The following IARS1 variants were observed in gnomAD, a reference collection of about 807,000 sequenced individuals.
IARS1 encodes the protein isoleucyl-tRNA synthetase 1.
In IARS1, 124 loss-of-function variants were observed where a neutral mutation model predicts 168.2. The observed-to-expected ratio is 0.74, with a 90% confidence interval of 0.64 to 0.86. IARS1 has a LOEUF of 0.86. Among genes scored for constraint, IARS1 ranks in the 40% least tolerant of loss-of-function variants. The pLI is 0.00. For missense variants in IARS1, 1,452 were observed against 1,515.8 expected (o/e 0.96, Z 0.70); for synonymous variants, 532 against 529.4 (o/e 1.00, Z -0.07).
In IARS1 at chr9:92,250,997, T is replaced by A. The variant is rs531834056; in HGVS notation, c.2308-163A>T. Reference sequence around the variant, plus strand: ...GCCCTGTGAATGAGAAATGGCCTCATATCCCTGAAGCATAGCTGCAGGACT... The same window carrying A: ...GCCCTGTGAATGAGAAATGGCCTCAAATCCCTGAAGCATAGCTGCAGGACT... On this transcript the variant is annotated intron_variant, in intron 22 of 33. Transcript: ENST00000443024. 3 of 707,998 alleles carry A rather than the reference T, an allele frequency of 4.2e-6. No homozygotes were observed. The East Asian group carries it at 8.6e-5, about 20-fold the overall frequency. 43.9% of individuals were successfully genotyped at this position (707,998 alleles called of 1,614,324 possible).
intron 9 of IARS1, among the ~76,000 whole-genome samples, chr9:92,276,049 G>A (rs1415892736): frequency 6.6e-6 from 1 of 152,186 alleles, no homozygotes; most frequent in African/African-American, 2.4e-5. Flanking sequence ...TCAGAAAGGT[G>A]AGAGTCACTG....
In IARS1 at chr9:92,210,835, G is replaced by A; in HGVS notation, c.3761C>T (p.Ser1254Phe). 1 of 1,611,434 alleles carries A rather than the reference G, an allele frequency of 6.2e-7. No homozygotes were observed. The highest frequency in any genetic ancestry group is 8.5e-7 in the Non-Finnish European group (1 of 1,177,560). The change falls in exon 34 of 34, where the codon TCT becomes TTT. Residue 1254 changes from serine to phenylalanine, a missense_variant. Physicochemically the swap from Ser to Phe is radical, Grantham distance 155. Transcript: ENST00000443024. Reference protein sequence around the residue: ...KTLNMKTVYVSVLPTTADF With the variant: ...KTLNMKTVYVFVLPTTADF ...GAAGTCTGCTGTTGTTGGTAACACAGAAACATACACAGTCTTCATATTCAA... is the reference window on the plus strand; with the variant it reads ...GAAGTCTGCTGTTGTTGGTAACACAAAAACATACACAGTCTTCATATTCAA...
chr9:92,274,645 A>C, intron 9 of IARS1, 124 bp from the exon 10 acceptor site: 1 of 624,384 alleles, frequency 1.6e-6, no homozygotes, highest in Admixed American at 2.5e-5. Context: ...TCAGAAATAG[A>C]AAAGAAAGAA....
chr9:92,259,124 T>C, intron 18 of IARS1, 126 bp from the exon 19 acceptor site: 1 of 810,776 alleles, frequency 1.2e-6, no homozygotes, highest in East Asian at 2.7e-5. Flanking sequence ...TAATTATGAA[T>C]ACTCTTTGAG....
chr9:92,216,127 TAAAG>T (rs1183419529), intron 33 of IARS1, among the ~76,000 whole-genome samples: 3 of 150,976 alleles, frequency 2.0e-5, no homozygotes, highest in African/African-American at 7.3e-5. Context: ...TCAACATTCT[TAAAG>T]AAAAGAATTT....
chr9:92,224,815 C>A (rs763396822), intron 31 of IARS1, among the ~76,000 whole-genome samples: 6 of 150,448 alleles, frequency 4.0e-5, no homozygotes, highest in African/African-American at 1.5e-4. Flanking sequence ...CCTGAGTGAT[C>A]GAGTGAGACC....
At chr9:92,288,000 A>C in intron 3 of IARS1, 90 bp from the exon 4 acceptor site, 1 of 1,554,026 alleles carries the variant, frequency 6.4e-7, no homozygotes, top group South Asian at 1.2e-5. Flanking sequence ...ATCAAACTAC[A>C]AATATTATAG....
At chr9:92,230,641 G>GC (rs1307033819) in intron 30 of IARS1, among the ~76,000 whole-genome samples, 1 of 152,182 alleles carries the variant, frequency 6.6e-6, no homozygotes, top group Non-Finnish European at 1.5e-5. Context: ...ACCTAGGAGT[G>GC]CAACTGCGAG....
chr9:92,272,606 T>C (rs1465768773), intron 10 of IARS1, among the ~76,000 whole-genome samples: 2 of 152,110 alleles, frequency 1.3e-5, no homozygotes, highest in African/African-American at 4.8e-5. Context: ...CCCCAGCACT[T>C]TGGGAGGCCA....
chr9:92,217,761 C>T (rs796148316), intron 33 of IARS1, among the ~76,000 whole-genome samples: 1 of 152,152 alleles, frequency 6.6e-6, no homozygotes, highest in African/African-American at 2.4e-5. Flanking sequence ...ATAACAGACT[C>T]TGAAATTGTG....
At chr9:92,237,756 G>A (rs548690989) in intron 30 of IARS1, among the ~76,000 whole-genome samples, 2 of 152,204 alleles carry the variant, frequency 1.3e-5, no homozygotes, top group African/African-American at 4.8e-5. Context: ...ATACAAACAT[G>A]ACCATTCCTG....
chr9:92,244,912 T>G, intron 27 of IARS1, 47 bp downstream of exon 27: 1 of 1,445,056 alleles, frequency 6.9e-7, no homozygotes, highest in Non-Finnish European at 9.7e-7. Flanking sequence ...TCTCCTCTTA[T>G]GCTCTCATCT....
chr9:92,234,276 T>G (rs1007598152), intron 30 of IARS1, among the ~76,000 whole-genome samples: 3 of 152,204 alleles, frequency 2.0e-5, no homozygotes, highest in Non-Finnish European at 4.4e-5. Flanking sequence ...CCAAAGGGTA[T>G]AGAAAAAGGC....
At position 92,250,771 on chromosome 9, in the gene IARS1, C is replaced by G. The variant is rs1829904704; in HGVS notation, c.2371G>C (p.Val791Leu). The G allele has an allele frequency of 6.2e-7, 1 of 1,613,588 alleles. No homozygotes were observed. The highest frequency in any genetic ancestry group is 1.1e-5 in the South Asian group (1 of 91,026). The part of the protein sequence containing the change: ...YQNLKVLIDP[V>L]SVQDKDTLSI... ...AGTGTGTCCTTGTCCTGAACAGAAACAGGGTCAATCAGCACCTTTAGATTC... is the reference window on the plus strand; with the variant it reads ...AGTGTGTCCTTGTCCTGAACAGAAAGAGGGTCAATCAGCACCTTTAGATTC... Residue 791 changes from valine to leucine, a missense_variant, in exon 23 of 34, where the codon GTT (valine) becomes CTT (leucine). Coordinates refer to ENST00000443024, the MANE Select transcript of IARS1 (RefSeq NM_002161.6).
At chr9:92,280,582 C>T (rs1319137802) in intron 7 of IARS1, among the ~76,000 whole-genome samples, 164 bp downstream of exon 7, 5 of 152,072 alleles carry the variant, frequency 3.3e-5, no homozygotes, top group African/African-American at 7.2e-5. Flanking sequence ...TGTTAGTTTT[C>T]AATTAGAAAT....
At chr9:92,222,340 C>CAAAAAAAAA (rs60335070) in intron 33 of IARS1, among the ~76,000 whole-genome samples, 180 bp downstream of exon 33, 12 of 55,368 alleles carry the variant, frequency 2.2e-4, no homozygotes, top group East Asian at 7.5e-4. Flanking sequence ...GACTCAGTCT[C>CAAAAAAAAA]AAAAAAAAAA....
At chr9:92,268,357 T>TA in intron 13 of IARS1, 57 bp from the exon 14 acceptor site, 1 of 1,559,128 alleles carries the variant, frequency 6.4e-7, no homozygotes, top group Non-Finnish European at 8.8e-7. Context: ...ATTCAACATG[T>TA]AAATAATACC....
In IARS1 at chr9:92,243,202, A is replaced by G; in HGVS notation, c.3000+14T>C. The G allele has an allele frequency of 6.2e-7, 1 of 1,603,890 alleles. No individual in the cohort carries two copies. The highest frequency in any genetic ancestry group is 8.5e-7 in the Non-Finnish European group (1 of 1,171,008). On this transcript the variant is annotated intron_variant, in intron 28 of 33. Transcript: ENST00000443024. ...AAGCCAAAACAGTAGCTTATTCTTA[A>G]CTGACAAACTAACCTTTTTGCGAAG...
At chr9:92,286,707 G>T (rs1835522297) in intron 4 of IARS1, 89 bp from the exon 5 acceptor site, 1 of 715,006 alleles carries the variant, frequency 1.4e-6, no homozygotes, top group African/African-American at 1.8e-5. Context: ...CATCACAAAT[G>T]AAAATTTTGG....
Sources: gnomAD v4.1 joint callset for allele counts (sites outside exome capture counted in the v4.1 genomes callset) on GRCh38, gnomAD v4.1.1 for gene constraint, MANE v1.5 for transcripts, NCBI Gene and HGNC (gene_info 2026-07-23, HGNC 2026-07-21) for gene names.